Variants in BFAR observed in about 807,000 individuals in gnomAD.
BFAR encodes the protein RING finger protein 47.
A neutral mutation model predicts 54.4 loss-of-function variants in BFAR; 52 were observed. That is an observed-to-expected ratio of 0.96 (90% confidence interval 0.77 to 1.21). The LOEUF is 1.21. Ranked by LOEUF, BFAR falls within the 50% of genes most tolerant of loss-of-function variation. The probability of loss-of-function intolerance (pLI) is 0.00; values close to 1 mark genes in which losing one functional copy is unlikely to be tolerated. For synonymous variants in BFAR, 215 were observed against 204.3 expected (o/e 1.05, Z -0.45); for missense variants, 571 against 534.0 (o/e 1.07, Z -0.68).
intron 3 of BFAR, 78 bp from the exon 4 acceptor site, chr16:14,649,725 TC>T: frequency 7.5e-7 from 1 of 1,334,090 alleles, no homozygotes; most frequent in East Asian, 2.4e-5. Context: ...CCTCTTCCTT[TC>T]CCCACCTCCC....
At chr16:14,637,939 T>A (rs1959504669) in intron 1 of BFAR, among the ~76,000 whole-genome samples, 1 of 151,980 alleles carries the variant, frequency 6.6e-6, no homozygotes, top group Non-Finnish European at 1.5e-5. Context: ...TTTTTTTCAG[T>A]TTGTACCCTG....
Position 14,661,948 on chromosome 16 carries a change from G to C in BFAR, c.840G>C (p.Arg280Ser). Residue 280 changes from arginine (R) to serine (S), a missense_variant, in exon 6 of 8, where the codon AGG becomes AGC. Coordinates refer to ENST00000261658, the MANE Select transcript of BFAR (RefSeq NM_016561.3). ...FLLYALKSSPRLSLLYLYLFD... is the reference protein window; with the variant it reads ...FLLYALKSSPSLSLLYLYLFD... ...TATACGCCCTCAAGAGCTCCCCCAG[G>C]CTGAGTCTGCTCTACCTGTACCTGT... is the stretch of plus-strand genomic sequence containing the variant. The C allele has an allele frequency of 1.2e-6, 2 of 1,614,096 alleles. No homozygotes were observed. The highest frequency in any genetic ancestry group is 1.6e-4 in the Middle Eastern group (1 of 6,062).
At chr16:14,640,132 A>G (rs986262780) in intron 1 of BFAR, among the ~76,000 whole-genome samples, 1 of 151,626 alleles carries the variant, frequency 6.6e-6, no homozygotes, top group African/African-American at 2.4e-5. Context: ...AGCCTGGGCA[A>G]CAGAGTGAGA....
intron 6 of BFAR, among the ~76,000 whole-genome samples, 173 bp from the exon 7 acceptor site, chr16:14,664,696 C>T (rs1960389253): frequency 6.6e-6 from 1 of 152,144 alleles, no homozygotes; most frequent in Admixed American, 6.6e-5. Flanking sequence ...GATGGGGTTT[C>T]ACCATGTTGG....
At position 14,667,722 on chromosome 16, in the gene BFAR, GT is replaced by G; in HGVS notation, c.1251del (p.Phe417LeufsTer41). ...CCATGTTCTGGCCCCTCATCCCTCA[GT>G]TTGTTTGCAACTGTTTGTTTTACTG... Reference protein sequence around the residue: ...VAMFWPLIPQFVCNCLFYWAL... With the variant: ...VAMFWPLIPQXVCNCLFYWAL... On this transcript the variant is annotated frameshift_variant, in exon 8 of 8. Transcript: ENST00000261658. LOFTEE classifies it high-confidence loss of function. 6.2e-7 allele frequency: 1 copy of G among 1,614,076 alleles called. No individual in the cohort carries two copies. The highest frequency in any genetic ancestry group is 1.1e-5 in the South Asian group (1 of 91,086).
intron 5 of BFAR, among the ~76,000 whole-genome samples, chr16:14,658,506 G>C (rs949262950): frequency 6.6e-6 from 1 of 152,044 alleles, no homozygotes; most frequent in Non-Finnish European, 1.5e-5. Context: ...ATGATTTGAG[G>C]CTGCTTTTCA....
intron 4 of BFAR, among the ~76,000 whole-genome samples, chr16:14,654,244 C>G (rs1960057071): frequency 6.6e-6 from 1 of 151,822 alleles, no homozygotes; most frequent in Admixed American, 6.6e-5. Flanking sequence ...ATCTCCTGAC[C>G]TCGTGATCTG....
At chr16:14,665,438 G>A (rs1399244934) in intron 7 of BFAR, among the ~76,000 whole-genome samples, 1 of 152,196 alleles carries the variant, frequency 6.6e-6, no homozygotes, top group Non-Finnish European at 1.5e-5. Context: ...ATCAGAGGAA[G>A]CTGAGGGGCT....
intron 4 of BFAR, among the ~76,000 whole-genome samples, chr16:14,651,075 AC>A (rs1253718249): frequency 1.3e-5 from 2 of 152,128 alleles, no homozygotes; most frequent in African/African-American, 4.8e-5. Flanking sequence ...CCAGCAGGAG[AC>A]ACCAGCTGGA....
chr16:14,636,700 C>T (rs1959454981), intron 1 of BFAR, among the ~76,000 whole-genome samples: 2 of 152,328 alleles, frequency 1.3e-5, no homozygotes, highest in Admixed American at 6.5e-5. Flanking sequence ...GGGTGTCGGG[C>T]TGGGGGACGG....
intron 3 of BFAR, 52 bp downstream of exon 3, chr16:14,648,644 C>G: frequency 8.0e-7 from 1 of 1,248,278 alleles, no homozygotes; most frequent in Non-Finnish European, 1.1e-6. Flanking sequence ...ACCCCCCGAC[C>G]CCTGATTTCC....
Position 14,645,406 on chromosome 16 carries a change from C to T in BFAR, c.263+797C>T, listed in dbSNP as rs1265064129. Among the ~76,000 whole-genome samples, 4 of 152,246 alleles carry T rather than the reference C, an allele frequency of 2.6e-5. No homozygotes were observed. In the South Asian group the frequency reaches 8.3e-4, roughly 32 times the overall value. ...CTGATTTTAATAATCTTTAGATAAC[C>T]CCAGTTCCAGTTATCACATTAATAG... On this transcript the variant is annotated intron_variant, in intron 2 of 7. Transcript: ENST00000261658.
chr16:14,642,479 A>G (rs1190142617), intron 1 of BFAR, among the ~76,000 whole-genome samples: 1 of 152,308 alleles, frequency 6.6e-6, no homozygotes, highest in East Asian at 1.9e-4. Context: ...AATGTCTCCT[A>G]AAACCCAGAT....
intron 4 of BFAR, among the ~76,000 whole-genome samples, chr16:14,654,043 G>C (rs529623065): frequency 8.6e-6 from 1 of 115,734 alleles, no homozygotes; most frequent in East Asian, 2.4e-4. Context: ...GCGGAGTCTT[G>C]CTCTGTCACC....
In BFAR at chr16:14,659,801, C is replaced by T. The variant is rs191553170; in HGVS notation, c.784-2091C>T. Among the ~76,000 whole-genome samples, 85 of 150,000 alleles carry T rather than the reference C, an allele frequency of 5.7e-4. 1 individual carries two copies. Among genetic ancestry groups the T allele is most frequent in the African/African-American group, 1.9e-3 (79 of 40,738 alleles). On this transcript the variant is annotated intron_variant, in intron 5 of 7. Coordinates refer to ENST00000261658, the MANE Select transcript of BFAR (RefSeq NM_016561.3). ...TCCTGACCTCAGGTGATCTGCCTGC[C>T]TCAGCTTCCCAAAGTGCTGGGATTA...
In BFAR at chr16:14,655,171, A is replaced by G. The variant is rs763147029; in HGVS notation, c.744A>G (p.Ala248=). The G allele has an allele frequency of 3.8e-6, 6 of 1,586,042 alleles. No individual in the cohort carries two copies. The highest frequency in any genetic ancestry group is 5.1e-6 in the Non-Finnish European group (6 of 1,167,046). ...TCATGGAGCTAGAACGTGTCAAAGC[A>G]TTAGGCGTGAAGCCCCCCCAGAATC... The part of the protein sequence containing the change: ...AILMELERVK[A]LGVKPPQNLW... Residue 248 remains alanine, a synonymous_variant, in exon 5 of 8, where the codon GCA becomes GCG. Coordinates refer to ENST00000261658, the MANE Select transcript of BFAR (RefSeq NM_016561.3).
chr16:14,647,515 G>T (rs1375519330), intron 2 of BFAR, among the ~76,000 whole-genome samples: 4 of 151,868 alleles, frequency 2.6e-5, no homozygotes, highest in Admixed American at 2.6e-4. Context: ...TAGCCAACAT[G>T]ACCAAAAATA....
In BFAR at chr16:14,644,441, T is replaced by C. The variant is rs761869155; in HGVS notation, c.95T>C (p.Phe32Ser). ...GGCCCTCAGATTTCTGTTAGTGAAT[T>C]TTCTTGCCACTGCTGCTACGACATC... ...STGPQISVSEFSCHCCYDILV... is the reference protein window; with the variant it reads ...STGPQISVSESSCHCCYDILV... Residue 32 changes from phenylalanine to serine, a missense_variant, in exon 2 of 8, where the codon TTT becomes TCT. By Grantham distance (155) the Phe-to-Ser change is radical. Transcript: ENST00000261658. The C allele has an allele frequency of 3.7e-6, 6 of 1,613,970 alleles. No homozygotes were observed. In the South Asian group the frequency reaches 5.5e-5, roughly 15 times the overall value.
chr16:14,655,241 T>TA (rs1960095237), intron 5 of BFAR, 31 bp downstream of exon 5: 7 of 1,195,952 alleles, frequency 5.9e-6, no homozygotes, highest in African/African-American at 1.6e-5. Context: ...TTTTTTTTTT[T>TA]ACTTTTTATT....
Sources: allele counts gnomAD v4.1 joint callset (sites outside exome capture counted in the v4.1 genomes callset), GRCh38; gene constraint gnomAD v4.1.1; transcripts MANE v1.5; gene names NCBI Gene and HGNC (gene_info 2026-07-23, HGNC 2026-07-21).